Variants in PPIL6 observed in about 807,000 individuals in gnomAD.
The protein encoded by PPIL6 is probable inactive peptidyl-prolyl cis-trans isomerase-like 6.
Under a neutral mutation model 36.8 loss-of-function variants are expected in PPIL6, and 39 were observed. That is an observed-to-expected ratio of 1.06 (90% CI 0.82 to 1.38). The LOEUF is 1.38. Ranked by LOEUF, PPIL6 falls within the 40% of genes most tolerant of loss-of-function variation. The pLI is 0.00. For synonymous variants in PPIL6, 123 were observed against 134.1 expected, an observed-to-expected ratio of 0.92 and a Z score of 0.57; for missense variants, 368 against 379.1, an observed-to-expected ratio of 0.97 and a Z score of 0.24.
At chr6:109,400,975 T>C (rs940295558) in intron 6 of PPIL6, among the ~76,000 whole-genome samples, 1 of 151,272 alleles carries the variant, frequency 6.6e-6, no homozygotes, top group African/African-American at 2.4e-5. Flanking sequence ...TTCTCCTGCC[T>C]CAGCCTCCCG....
chr6:109,399,067 A>G, intron 7 of PPIL6, among the ~76,000 whole-genome samples: 1 of 151,486 alleles, frequency 6.6e-6, no homozygotes, highest in East Asian at 1.9e-4. Context: ...CTGGGACTAC[A>G]GGCACACACC....
intron 6 of PPIL6, among the ~76,000 whole-genome samples, chr6:109,418,687 G>T (rs781050513): frequency 6.6e-6 from 1 of 151,750 alleles, no homozygotes; most frequent in Admixed American, 6.6e-5. Flanking sequence ...TCTGGGAGGC[G>T]TGCGCCATCA....
At chr6:109,418,547 T>C (rs13197675) in intron 6 of PPIL6, among the ~76,000 whole-genome samples, 3 of 147,524 alleles carry the variant, frequency 2.0e-5, no homozygotes, top group African/African-American at 8.0e-5. Context: ...AATCTTTTTT[T>C]CTTTTTTTTT....
chr6:109,408,833 TC>T (rs1772899379), intron 6 of PPIL6, among the ~76,000 whole-genome samples: 1 of 152,170 alleles, frequency 6.6e-6, no homozygotes, highest in South Asian at 2.1e-4. Context: ...TAAAAAAATT[TC>T]CTCCTCCTGA....
intron 6 of PPIL6, among the ~76,000 whole-genome samples, chr6:109,400,921 G>T (rs968148739): frequency 1.3e-5 from 2 of 151,802 alleles, no homozygotes; most frequent in African/African-American, 4.8e-5. Flanking sequence ...GTGCAGTGGT[G>T]CGATCTCAGC....
chr6:109,436,944 A>G (rs1382678102), intron 1 of PPIL6, among the ~76,000 whole-genome samples: 2 of 152,226 alleles, frequency 1.3e-5, no homozygotes, highest in African/African-American at 2.4e-5. Flanking sequence ...TACTTTACTT[A>G]TAACTAAAAT....
intron 6 of PPIL6, among the ~76,000 whole-genome samples, chr6:109,407,178 C>T (rs1326033914): frequency 1.3e-5 from 2 of 151,904 alleles, no homozygotes; most frequent in African/African-American, 2.4e-5. Flanking sequence ...GTGGATAGAG[C>T]TATATATATA....
Position 109,401,155 on chromosome 6 carries a change from C to T in PPIL6, c.689-985G>A, listed in dbSNP as rs142085150. 7.7e-3 allele frequency among the ~76,000 whole-genome samples: 1,162 copies of T among 151,278 alleles called. 15 individuals are homozygous for T. The highest frequency in any genetic ancestry group is 0.026 in the African/African-American group (1,078 of 41,110). ...CCTCCCAAACTGCTGGGATTACAGGCGTAAGCCACCGTGCCTGGCCAATCT... is the reference window on the plus strand; with the variant it reads ...CCTCCCAAACTGCTGGGATTACAGGTGTAAGCCACCGTGCCTGGCCAATCT... On this transcript the variant is annotated intron_variant, in intron 6 of 7. Coordinates refer to ENST00000521072, the MANE Select transcript of PPIL6 (RefSeq NM_173672.5).
chr6:109,433,192 G>A (rs1422216729), intron 2 of PPIL6, among the ~76,000 whole-genome samples: 1 of 151,990 alleles, frequency 6.6e-6, no homozygotes, highest in African/African-American at 2.4e-5. Context: ...GAGTAGCTGG[G>A]ATTATAGGCG....
chr6:109,438,225 G>A (rs186826221), intron 1 of PPIL6, among the ~76,000 whole-genome samples: 9 of 151,738 alleles, frequency 5.9e-5, no homozygotes, highest in African/African-American at 1.7e-4. Context: ...AGTTAATCAG[G>A]CATCTGGGAT....
intron 6 of PPIL6, among the ~76,000 whole-genome samples, chr6:109,402,014 C>T (rs1329630159): frequency 5.9e-5 from 9 of 152,170 alleles, no homozygotes; most frequent in Middle Eastern, 3.4e-3. Context: ...TGAGCCACCG[C>T]GCCCGGCCCA....
At chr6:109,440,424 G>A (rs1443377965) in intron 1 of PPIL6, 32 bp downstream of exon 1, 1 of 1,534,784 alleles carries the variant, frequency 6.5e-7, no homozygotes, top group East Asian at 2.5e-5. Context: ...AGCGGGGAGG[G>A]CCGCCCACGA....
intron 7 of PPIL6, among the ~76,000 whole-genome samples, chr6:109,394,509 A>C (rs1021024570): frequency 6.6e-6 from 1 of 152,170 alleles, no homozygotes; most frequent in Non-Finnish European, 1.5e-5. Context: ...AGACAGGCCA[A>C]GACATAGGAC....
At chr6:109,415,559 T>G (rs768008395) in intron 6 of PPIL6, among the ~76,000 whole-genome samples, 1 of 152,230 alleles carries the variant, frequency 6.6e-6, no homozygotes, top group Non-Finnish European at 1.5e-5. Context: ...TCTTTGATGA[T>G]TTCCTTGATG....
chr6:109,398,224 G>A (rs1452107152), intron 7 of PPIL6, among the ~76,000 whole-genome samples: 1 of 152,158 alleles, frequency 6.6e-6, no homozygotes, highest in East Asian at 1.9e-4. Flanking sequence ...TTCGAAATCA[G>A]AATACAATTT....
rs149453410 is a variant in PPIL6 at position 109,426,137 on chromosome 6, A to G, written c.631+710T>C. 1.4e-3 allele frequency among the ~76,000 whole-genome samples: 210 copies of G among 152,324 alleles called. 3 individuals are homozygous for G. The highest frequency in any genetic ancestry group is 3.5e-3 in the African/African-American group (147 of 41,580). On this transcript the variant is annotated intron_variant, in intron 5 of 7. Coordinates refer to ENST00000521072, the MANE Select transcript of PPIL6 (RefSeq NM_173672.5). ...CTTTAACATGTAGGATGCTTGGAATATATCTATATTTTTCTCCTCGTCAGC... is the reference window on the plus strand; with the variant it reads ...CTTTAACATGTAGGATGCTTGGAATGTATCTATATTTTTCTCCTCGTCAGC...
At chr6:109,420,760 A>G (rs921945696) in intron 5 of PPIL6, among the ~76,000 whole-genome samples, 4 of 152,246 alleles carry the variant, frequency 2.6e-5, no homozygotes, top group Non-Finnish European at 1.5e-5. Context: ...CAGTATGAGC[A>G]ATTTACCTAC....
intron 3 of PPIL6, 57 bp from the exon 4 acceptor site, chr6:109,427,213 C>T: frequency 8.2e-7 from 1 of 1,213,668 alleles, no homozygotes; most frequent in Non-Finnish European, 1.2e-6. Flanking sequence ...AGAAAGTTTT[C>T]AGAAATGACC....
chr6:109,422,537 C>T (rs976968706), intron 5 of PPIL6, among the ~76,000 whole-genome samples: 1 of 152,238 alleles, frequency 6.6e-6, no homozygotes, highest in Non-Finnish European at 1.5e-5. Context: ...CTGCAGCGAG[C>T]TGTGATTGTG....
Sources: gnomAD v4.1 joint callset for allele counts (sites outside exome capture counted in the v4.1 genomes callset) on GRCh38, gnomAD v4.1.1 for gene constraint, MANE v1.5 for transcripts, NCBI Gene and HGNC (gene_info 2026-07-23, HGNC 2026-07-21) for gene names.